Variants in SOX5 observed in about 807,000 individuals in gnomAD.
The protein encoded by SOX5 is SRY-box transcription factor 5.
A neutral mutation model predicts 92.0 loss-of-function variants in SOX5; 9 were observed. That is an observed-to-expected ratio of 0.10 (90% confidence interval 0.06 to 0.17). SOX5 has a LOEUF of 0.17. SOX5 is among the 10% of genes least tolerant of loss of function. SOX5 has a pLI of 1.00. For synonymous variants in SOX5, 344 were observed against 336.3 expected (o/e 1.02, Z -0.25); for missense variants, 642 against 944.5 (o/e 0.68, Z 4.20).
intron 4 of SOX5, among the ~76,000 whole-genome samples, chr12:23,745,034 T>C (rs2093933645): frequency 6.6e-6 from 1 of 152,148 alleles, no homozygotes; most frequent in Non-Finnish European, 1.5e-5. Flanking sequence ...AATAAACTCA[T>C]TTTAATTTAA....
chr12:24,312,608 G>A (rs988312878), intron 2 of SOX5, among the ~76,000 whole-genome samples: 5 of 152,120 alleles, frequency 3.3e-5, no homozygotes, highest in Admixed American at 6.6e-5. Context: ...TAAATACCTC[G>A]AATGAATGAA....
chr12:23,534,326 C>T lies in SOX5; in HGVS notation c.2185G>A (p.Glu729Lys), dbSNP rs766643828. The T allele has an allele frequency of 1.4e-5, 22 of 1,614,012 alleles. No individual in the cohort carries two copies. The highest frequency in any genetic ancestry group is 5.0e-5 in the Admixed American group (3 of 60,006). Reference sequence around the variant, plus strand: ...TCATAAATTTCTCCATTGATGTCCTCGGCCTGTATCTCTTCTTTGATATGT... The same window carrying T: ...TCATAAATTTCTCCATTGATGTCCTTGGCCTGTATCTCTTCTTTGATATGT... ...EPHIKEEIQA[E>K]DINGEIYDEY... The change falls in exon 15 of 15, where the codon GAG (glutamate) becomes AAG (lysine). Residue 729 changes from glutamate to lysine, a missense_variant. Physicochemically the swap from Glu to Lys is moderately conservative, Grantham distance 56. Coordinates refer to ENST00000451604, the MANE Select transcript of SOX5 (RefSeq NM_006940.6).
At chr12:23,876,084 T>C (rs2136964671) in intron 2 of SOX5, among the ~76,000 whole-genome samples, 1 of 152,300 alleles carries the variant, frequency 6.6e-6, no homozygotes, top group South Asian at 2.1e-4. Context: ...TATACATTTC[T>C]TGGTATAAAC....
chr12:24,080,975 T>C (rs1016779175), intron 4 of SOX5, among the ~76,000 whole-genome samples: 1 of 151,994 alleles, frequency 6.6e-6, no homozygotes, highest in African/African-American at 2.4e-5. Flanking sequence ...TTATGTGAGT[T>C]AGAATTATTT....
chr12:23,553,297 C>T (rs1024574365), intron 11 of SOX5, among the ~76,000 whole-genome samples: 4 of 151,964 alleles, frequency 2.6e-5, no homozygotes, highest in African/African-American at 9.7e-5. Context: ...GTTAAAGACA[C>T]ACTTACACGT....
At chr12:24,524,878 T>A (rs1201145538) in intron 1 of SOX5, among the ~76,000 whole-genome samples, 2 of 152,120 alleles carry the variant, frequency 1.3e-5, no homozygotes, top group Non-Finnish European at 2.9e-5. Context: ...TTAAATCGGC[T>A]GGGCCTGGTG....
intron 3 of SOX5, among the ~76,000 whole-genome samples, chr12:23,802,751 T>C (rs1221852113): frequency 6.6e-6 from 1 of 152,204 alleles, no homozygotes; most frequent in Non-Finnish European, 1.5e-5. Flanking sequence ...CATGGGTTTA[T>C]ATGTCATATT....
chr12:23,560,103 G>A (rs1280012104), intron 11 of SOX5, among the ~76,000 whole-genome samples: 2 of 152,082 alleles, frequency 1.3e-5, no homozygotes, highest in Non-Finnish European at 2.9e-5. Flanking sequence ...TAGAGACAAG[G>A]TTTCACCACG....
intron 4 of SOX5, among the ~76,000 whole-genome samples, chr12:24,115,408 G>A (rs982697439): frequency 6.6e-6 from 1 of 152,236 alleles, no homozygotes; most frequent in Non-Finnish European, 1.5e-5. Flanking sequence ...TAAAATCTCC[G>A]AAATTTTTGT....
chr12:24,216,481 C>T (rs558905183), intron 3 of SOX5, among the ~76,000 whole-genome samples: 12 of 151,536 alleles, frequency 7.9e-5, no homozygotes, highest in African/African-American at 2.9e-4. Context: ...GCGACTCCGC[C>T]TCGGAAAAAA....
chr12:24,032,456 G>C (rs1353573235), intron 4 of SOX5, among the ~76,000 whole-genome samples: 2 of 151,684 alleles, frequency 1.3e-5, no homozygotes, highest in South Asian at 2.1e-4. Flanking sequence ...GCTATACTAA[G>C]GTTTGGATAG....
rs180789807 is a variant in SOX5, at chr12:23,735,099, T to C, written c.742-347A>G. Reference sequence around the variant, plus strand: ...TCAGCCCTTTTCTATAACAGAGTGTTTCACAAATGGAGAAGGGGAGGTTTA... The same window carrying C: ...TCAGCCCTTTTCTATAACAGAGTGTCTCACAAATGGAGAAGGGGAGGTTTA... On this transcript the variant is annotated intron_variant, in intron 5 of 14. Coordinates refer to ENST00000451604, the MANE Select transcript of SOX5 (RefSeq NM_006940.6). Among the ~76,000 whole-genome samples, 310 of 152,284 alleles carry C rather than the reference T, an allele frequency of 2.0e-3. 4 individuals are homozygous for C. Among genetic ancestry groups the C allele is most frequent in the Non-Finnish European group, 2.6e-4 (18 of 68,014 alleles).
intron 1 of SOX5, among the ~76,000 whole-genome samples, chr12:24,434,535 C>G (rs549515677): frequency 6.6e-6 from 1 of 152,274 alleles, no homozygotes; most frequent in African/African-American, 2.4e-5. Context: ...GTGTTCCCAT[C>G]CAAATCTCAT....
intron 1 of SOX5, among the ~76,000 whole-genome samples, chr12:24,377,877 T>C (rs1365222113): frequency 1.3e-5 from 2 of 152,040 alleles, no homozygotes; most frequent in East Asian, 3.8e-4. Context: ...ACAATAGCAA[T>C]AGAACATTTG....
intron 6 of SOX5, among the ~76,000 whole-genome samples, chr12:23,716,784 C>A (rs2092529234): frequency 2.0e-5 from 3 of 152,166 alleles, no homozygotes; most frequent in African/African-American, 7.2e-5. Context: ...GAATCAATGA[C>A]ATTAAGTGAC....
At chr12:23,910,776 C>G (rs965241847) in intron 1 of SOX5, among the ~76,000 whole-genome samples, 1 of 152,034 alleles carries the variant, frequency 6.6e-6, no homozygotes, top group Non-Finnish European at 1.5e-5. Flanking sequence ...AGGGATTATC[C>G]TTTTTTAGAT....
At chr12:23,692,136 T>A (rs1025188056) in intron 6 of SOX5, among the ~76,000 whole-genome samples, 1 of 152,246 alleles carries the variant, frequency 6.6e-6, no homozygotes, top group South Asian at 2.1e-4. Flanking sequence ...TACTGATTAT[T>A]TAAAAATGAT....
At chr12:24,514,443 T>C (rs1261059824) in intron 1 of SOX5, among the ~76,000 whole-genome samples, 2 of 152,174 alleles carry the variant, frequency 1.3e-5, no homozygotes, top group African/African-American at 4.8e-5. Context: ...GTTCAGTTGT[T>C]CCACCTGCCA....
At chr12:24,225,353 C>T (rs2728849) in intron 3 of SOX5, among the ~76,000 whole-genome samples, 77,864 of 151,910 alleles carry the variant, frequency 0.51, 20,273 homozygotes, top group East Asian at 0.73. Flanking sequence ...CTTTGTTTCA[C>T]AAAAGCACTG....
Sources: allele counts gnomAD v4.1 joint callset (sites outside exome capture counted in the v4.1 genomes callset), GRCh38; gene constraint gnomAD v4.1.1; transcripts MANE v1.5; gene names NCBI Gene and HGNC (gene_info 2026-07-23, HGNC 2026-07-21).